IL16: variants seen among roughly 807,000 people sequenced by gnomAD.
IL16 encodes the protein interleukin 16.
In IL16, 67 loss-of-function variants were observed where a neutral mutation model predicts 110.1. The observed-to-expected ratio is 0.61, with a 90% CI of 0.50 to 0.75. IL16 has a LOEUF of 0.75. IL16 is among the 30% of genes least tolerant of loss of function. The pLI is 0.00. For synonymous variants in IL16, 689 were observed against 662.9 expected (o/e 1.04, Z -0.61); for missense variants, 1,545 against 1,655.0 (o/e 0.93, Z 1.15).
chr15:81,186,385 C>T (rs1482312117), intron 1 of IL16, among the ~76,000 whole-genome samples: 3 of 152,128 alleles, frequency 2.0e-5, no homozygotes, highest in South Asian at 2.1e-4. Flanking sequence ...TGAACACAGG[C>T]GGGTCTATTC....
intron 3 of IL16, among the ~76,000 whole-genome samples, chr15:81,265,118 C>G (rs28440856): frequency 0.17 from 26,113 of 152,048 alleles, 2,494 homozygotes; most frequent in Middle Eastern, 0.25. Context: ...TAGAGGAAGC[C>G]TGTCGCTTTG....
At chr15:81,223,827 C>T (rs1450227857) in intron 1 of IL16, among the ~76,000 whole-genome samples, 1 of 152,174 alleles carries the variant, frequency 6.6e-6, no homozygotes, top group African/African-American at 2.4e-5. Context: ...GTGTCTCCTT[C>T]AAGGCTTAGA....
At chr15:81,278,704 C>A in intron 6 of IL16, 113 bp from the exon 7 acceptor site, 1 of 762,290 alleles carries the variant, frequency 1.3e-6, no homozygotes, top group Admixed American at 1.9e-5. Flanking sequence ...TCTTCCAGAG[C>A]TTCGTGCATC....
chr15:81,292,444 A>G (rs890550486), intron 11 of IL16, 112 bp from the exon 12 acceptor site: 2 of 1,467,256 alleles, frequency 1.4e-6, no homozygotes, highest in African/African-American at 2.8e-5. Flanking sequence ...TTCAGATAAG[A>G]AGCAGATGGC....
intron 1 of IL16, among the ~76,000 whole-genome samples, chr15:81,223,468 G>A (rs926551773): frequency 2.0e-5 from 3 of 152,146 alleles, no homozygotes; most frequent in South Asian, 4.1e-4. Flanking sequence ...TCAATGAGAC[G>A]GTAGAGCCAG....
At chr15:81,281,505 A>G (rs1216171075) in intron 8 of IL16, among the ~76,000 whole-genome samples, 1 of 152,248 alleles carries the variant, frequency 6.6e-6, no homozygotes, top group Non-Finnish European at 1.5e-5. Context: ...TTCCGGCTTC[A>G]TCTGTGCAAA....
intron 1 of IL16, among the ~76,000 whole-genome samples, chr15:81,197,532 C>T (rs991211814): frequency 2.6e-5 from 4 of 152,174 alleles, no homozygotes; most frequent in South Asian, 2.1e-4. Context: ...AGAAAGGCCA[C>T]GGGGCACCTG....
At chr15:81,195,233 A>G (rs1252036381), upstream of IL16, among the ~76,000 whole-genome samples, 1 of 152,140 alleles carries the variant, frequency 6.6e-6, no homozygotes, top group Non-Finnish European at 1.5e-5. Context: ...GCTTAGACTT[A>G]GTGGAGGAGG....
chr15:81,233,794 A>G (rs758611403), intron 2 of IL16, among the ~76,000 whole-genome samples: 21 of 152,028 alleles, frequency 1.4e-4, no homozygotes, highest in Non-Finnish European at 2.6e-4. Context: ...CATTTCCCCT[A>G]TGAATAGCTT....
chr15:81,186,878 G>T (rs536906129), intron 1 of IL16, among the ~76,000 whole-genome samples: 8 of 151,446 alleles, frequency 5.3e-5, no homozygotes, highest in Admixed American at 3.3e-4. Flanking sequence ...GGGGAGCCTC[G>T]AACTCCTGTC....
At chr15:81,263,438 T>G (rs781642049) in intron 3 of IL16, among the ~76,000 whole-genome samples, 17 of 151,942 alleles carry the variant, frequency 1.1e-4, no homozygotes, top group African/African-American at 3.9e-4. Context: ...GGTTTAAACT[T>G]CCCCCAATGG....
intron 6 of IL16, among the ~76,000 whole-genome samples, chr15:81,275,541 T>G (rs66500340): frequency 0.076 from 11,612 of 151,938 alleles, 540 homozygotes; most frequent in Non-Finnish European, 0.096. Flanking sequence ...TTTCTGTGTT[T>G]AAACAAAGGG....
chr15:81,285,837 C>T lies in IL16; in HGVS notation c.1332+7C>T. The T allele has an allele frequency of 6.2e-7, 1 of 1,613,798 alleles. No individual in the cohort carries two copies. Among genetic ancestry groups the T allele is most frequent in the Non-Finnish European group, 8.5e-7 (1 of 1,179,728 alleles). ...CCGACATCCAGACCCACAGGTAACA[C>T]CCACTGGGTTATCCTCTTCTTCTCA... On this transcript the variant is annotated splice_region_variant and intron_variant, in intron 10 of 18. Transcript: ENST00000683961.
Position 81,259,851 on chromosome 15 carries a change from G to T in IL16, c.392G>T (p.Cys131Phe). ...AGTAACTTCCTGTTTCCTAAAGCCTGCCACCAAAGGGCACGCAGCAACTCA... is the reference window on the plus strand; with the variant it reads ...AGTAACTTCCTGTTTCCTAAAGCCTTCCACCAAAGGGCACGCAGCAACTCA... ...QSSNFLFPKACHQRARSNSTS... is the reference protein window; with the variant it reads ...QSSNFLFPKAFHQRARSNSTS... Residue 131 changes from cysteine (C) to phenylalanine (F), a missense_variant, in exon 3 of 19, where the codon TGC (cysteine) becomes TTC (phenylalanine). Cys to Phe is a radical substitution (Grantham distance 205). Transcript: ENST00000683961. 6.2e-7 allele frequency: 1 copy of T among 1,613,172 alleles called. No homozygotes were observed. Among genetic ancestry groups the T allele is most frequent in the Non-Finnish European group, 8.5e-7 (1 of 1,179,174 alleles).
At chr15:81,256,686 A>G (rs555565246) in intron 2 of IL16, among the ~76,000 whole-genome samples, 150 of 152,308 alleles carry the variant, frequency 9.8e-4, no homozygotes, top group Non-Finnish European at 1.7e-3. Context: ...TATTGTGTAC[A>G]CATCATTTAC....
chr15:81,308,851 A>G lies in IL16; in HGVS notation c.*53A>G, dbSNP rs1900708100. The G allele has an allele frequency of 2.1e-6, 3 of 1,455,602 alleles. No homozygotes were observed. The highest frequency in any genetic ancestry group is 3.9e-5 in the Admixed American group (2 of 51,196). 90.2% of individuals were successfully genotyped at this position (1,455,602 alleles called of 1,614,324 possible). ...AACACACAGCTAACACACAGCTCCC[A>G]TAACCGCTGATTCTCAGGGTCTCTG... On this transcript the variant is annotated 3_prime_UTR_variant, in exon 19 of 19. Transcript: ENST00000683961.
rs57484982 is a variant in IL16, at chr15:81,247,076, C to CTTTTTTTTTTTTTTTTTTTTTTTTT, written c.313-12676_313-12675insTTTTTTTTTTTTTTTTTTTTTTTTT. On this transcript the variant is annotated intron_variant, in intron 2 of 18. Transcript: ENST00000683961. ...TTTGTGTTTTCTTTCTTTTCTTTTC[C>CTTTTTTTTTTTTTTTTTTTTTTTTT]TTTTTTTTTTTTTTTTTTTTGATCT... 5.4e-5 allele frequency among the ~76,000 whole-genome samples: 5 copies of CTTTTTTTTTTTTTTTTTTTTTTTTT among 92,636 alleles called. 1 individual carries two copies. Among genetic ancestry groups the CTTTTTTTTTTTTTTTTTTTTTTTTT allele is most frequent in the Non-Finnish European group, 6.3e-5 (3 of 47,274 alleles). The allele number at this position is 92,636 out of a possible 152,430, so 60.8% of individuals were successfully genotyped here.
chr15:81,276,795 T>C (rs1385666987), intron 6 of IL16, among the ~76,000 whole-genome samples: 2 of 152,180 alleles, frequency 1.3e-5, no homozygotes, highest in African/African-American at 4.8e-5. Context: ...CTGGGGTGTA[T>C]GGGAATCCCA....
At chr15:81,204,765 A>G (rs1050109317) in intron 1 of IL16, among the ~76,000 whole-genome samples, 2 of 113,674 alleles carry the variant, frequency 1.8e-5, no homozygotes, top group African/African-American at 6.4e-5. Context: ...AAAAAAAGAA[A>G]AAAAAGAAAA....
Sources: allele counts gnomAD v4.1 joint callset (sites outside exome capture counted in the v4.1 genomes callset), GRCh38; gene constraint gnomAD v4.1.1; transcripts MANE v1.5; gene names NCBI Gene and HGNC (gene_info 2026-07-23, HGNC 2026-07-21).